The following UNKL variants were observed in gnomAD, a reference collection of about 807,000 sequenced individuals.
UNKL encodes putative E3 ubiquitin-protein ligase UNKL.
A neutral mutation model predicts 78.0 loss-of-function variants in UNKL; 60 were observed. The ratio of observed to expected loss-of-function variants is 0.77; its 90% CI spans 0.63 to 0.95. The LOEUF is 0.95. UNKL is among the 40% of genes least tolerant of loss of function. The pLI is 0.00. For synonymous variants in UNKL, 608 were observed against 474.8 expected (o/e 1.28, Z -3.65); for missense variants, 1,159 against 1,045.7 (o/e 1.11, Z -1.49).
Position 1,367,288 on chromosome 16 carries a change from C to G in UNKL, c.1850G>C (p.Ser617Thr). 3 of 1,563,692 alleles carry G rather than the reference C, an allele frequency of 1.9e-6. No individual in the cohort carries two copies. Among genetic ancestry groups the G allele is most frequent in the Non-Finnish European group, 2.6e-6 (3 of 1,159,076 alleles). ...CTTCTGCAGCGCCAGCTGCCGGTCG[C>G]TATCGGCCACACGGGCACGCTCCTT... is the stretch of plus-strand genomic sequence containing the variant. ...EAKERARVADSDRQLALQKKE... is the reference protein window; with the variant it reads ...EAKERARVADTDRQLALQKKE... The change falls in exon 14 of 15, where the codon AGC becomes ACC. Residue 617 changes from serine (S) to threonine (T), a missense_variant. Transcript: ENST00000389221.
chr16:1,397,017 A>G, intron 6 of UNKL, 161 bp downstream of exon 6: 1 of 676,274 alleles, frequency 1.5e-6, no homozygotes, highest in African/African-American at 1.8e-5. Flanking sequence ...ACAAGCAAGC[A>G]GGTACAGCCC....
Position 1,399,150 on chromosome 16 carries a change from G to A in UNKL, c.734+224C>T. 9.0e-7 allele frequency: 1 copy of A among 1,109,284 alleles called. No homozygotes were observed. Among genetic ancestry groups the A allele is most frequent in the Non-Finnish European group, 1.2e-6 (1 of 805,502 alleles). The allele number at this position is 1,109,284 out of a possible 1,614,324, so 68.7% of individuals were successfully genotyped here. A position where few individuals can be genotyped will look rare whatever the true frequency, so the allele number is the denominator to read the frequency against. ...GAGGGGCCCCGGTAGGGGACTGCAT[G>A]GGAGACACTGAGCGTAGGTGGGGAG... On this transcript the variant is annotated intron_variant, in intron 5 of 14. Transcript: ENST00000389221. The surrounding 1 kb of genome is among the most constrained non-coding windows in gnomAD (Gnocchi z 5.8).
chr16:1,371,983 G>A (rs972055693), intron 10 of UNKL, among the ~76,000 whole-genome samples: 1 of 152,182 alleles, frequency 6.6e-6, no homozygotes, highest in East Asian at 1.9e-4. Flanking sequence ...AGGGCCGGGT[G>A]CGGTGGCTCA....
At chr16:1,396,999 C>T in intron 6 of UNKL, 179 bp downstream of exon 6, 1 of 627,448 alleles carries the variant, frequency 1.6e-6, no homozygotes, top group Non-Finnish European at 2.7e-6. Context: ...CGAAGGCCAG[C>T]AAGCAAGACA....
chr16:1,384,507 G>A (rs1032013679), intron 10 of UNKL, among the ~76,000 whole-genome samples: 10 of 152,034 alleles, frequency 6.6e-5, no homozygotes, highest in Non-Finnish European at 1.2e-4. Flanking sequence ...CAGCCCAGGT[G>A]CTCACAGCTG....
rs898403328 is a variant in UNKL, at chr16:1,399,931, C to T, written c.599-422G>A. Among the ~76,000 whole-genome samples, 3 of 127,142 alleles carry T rather than the reference C, an allele frequency of 2.4e-5. No homozygotes were observed. The Admixed American group carries it at 2.7e-4, about 11-fold the overall frequency. The allele number at this position is 127,142 out of a possible 152,430, so 83.4% of individuals were successfully genotyped here. On this transcript the variant is annotated intron_variant, in intron 4 of 14. Transcript: ENST00000389221. This position sits in a 1 kb window ranked among gnomAD's most constrained non-coding sequence, Gnocchi z 5.8. Reference sequence around the variant, plus strand: ...ACACCCCGAAATGCCGCATGGTGAGCCTCATGCGCACCACAGCCTCTGGGT... The same window carrying T: ...ACACCCCGAAATGCCGCATGGTGAGTCTCATGCGCACCACAGCCTCTGGGT...
At position 1,364,496 on chromosome 16, in the gene UNKL, C is replaced by A. The variant is rs1184142162; in HGVS notation, c.*1744G>T. ...ACGTGGCCCGCGGAGAGCCAGGTCG[C>A]CGTAAACCACAGATGCCTGTTCCTG... On this transcript the variant is annotated 3_prime_UTR_variant, in exon 15 of 15. Coordinates refer to ENST00000389221, the MANE Select transcript of UNKL (RefSeq NM_001372107.1). 1 of 152,260 alleles carries A rather than the reference C, an allele frequency of 6.6e-6. No homozygotes were observed. The highest frequency in any genetic ancestry group is 1.5e-5 in the Non-Finnish European group (1 of 68,054). The allele number at this position is 152,260 out of a possible 1,614,324, so 9.4% of individuals were successfully genotyped here. A position where few individuals can be genotyped will look rare whatever the true frequency, so the allele number is the denominator to read the frequency against.
intron 12 of UNKL, among the ~76,000 whole-genome samples, chr16:1,369,496 A>G (rs1164910715): frequency 1.3e-5 from 2 of 151,392 alleles, no homozygotes; most frequent in Admixed American, 1.3e-4. Flanking sequence ...CAGCCTCCCC[A>G]GTAGCTGGGG....
chr16:1,401,238 T>A (rs1034111441), intron 4 of UNKL: 18 of 227,792 alleles, frequency 7.9e-5, no homozygotes, highest in African/African-American at 4.1e-4. Context: ...GGGTGCCTGG[T>A]GGGCGCCCCG....
intron 10 of UNKL, among the ~76,000 whole-genome samples, chr16:1,372,802 G>A (rs1035281356): frequency 1.3e-5 from 2 of 151,990 alleles, no homozygotes; most frequent in African/African-American, 4.8e-5. Context: ...GGCCAACACC[G>A]CACAGAGACC....
rs2141958315 is a variant in UNKL, at chr16:1,370,156, G to A, written c.1559C>T (p.Ser520Phe). ...PLRSEPGTLGSAASSYSPLGL... is the reference protein window; with the variant it reads ...PLRSEPGTLGFAASSYSPLGL... Reference sequence around the variant, plus strand: ...TAGGGGGCTGTAGGATGAGGCTGCAGAGCCCAGTGTGCCCGGCTCTGAACG... The same window carrying A: ...TAGGGGGCTGTAGGATGAGGCTGCAAAGCCCAGTGTGCCCGGCTCTGAACG... Residue 520 changes from serine to phenylalanine, a missense_variant, in exon 12 of 15, where the codon TCT (serine) becomes TTT (phenylalanine). Transcript: ENST00000389221. 3 of 1,517,900 alleles carry A rather than the reference G, an allele frequency of 2.0e-6. No homozygotes were observed. The South Asian group carries it at 3.7e-5, about 19-fold the overall frequency. The allele number at this position is 1,517,900 out of a possible 1,614,324, so 94.0% of individuals were successfully genotyped here.
In UNKL at chr16:1,403,237, A is replaced by G. The variant is rs748913108; in HGVS notation, c.395T>C (p.Val132Ala). The change falls in exon 3 of 15, where the codon GTG becomes GCG. Residue 132 changes from valine (V) to alanine (A), a missense_variant. Val to Ala is a moderately conservative substitution (Grantham distance 64). Transcript: ENST00000389221. The surrounding 1 kb of genome is among the most constrained non-coding windows in gnomAD (Gnocchi z 4.8). ...GAAGGCACAGTGCAGCCCATTCTTC[A>G]CGCAGTGGCCACGTGCGTCTGTCTC... ...IHETDARGHC[V>A]KNGLHCAFAH... is the part of the protein sequence containing the mutation. The G allele has an allele frequency of 2.8e-5, 45 of 1,614,004 alleles. No individual in the cohort carries two copies. Among genetic ancestry groups the G allele is most frequent in the South Asian group, 5.5e-5 (5 of 91,090 alleles).
rs2036869859 is a variant in UNKL, at chr16:1,387,710, TG to T, written c.1087-2326del. On this transcript the variant is annotated intron_variant, in intron 9 of 14. Coordinates refer to ENST00000389221, the MANE Select transcript of UNKL (RefSeq NM_001372107.1). This position sits in a 1 kb window ranked among gnomAD's most constrained non-coding sequence, Gnocchi z 4.1. ...GGCAACGCACGGCCCTCCGGGGACG[TG>T]GACACTGCACAGCCGCACGGCTGCC... Among the ~76,000 whole-genome samples, 1 of 151,996 alleles carries T rather than the reference TG, an allele frequency of 6.6e-6. No homozygotes were observed. Among genetic ancestry groups the T allele is most frequent in the Non-Finnish European group, 1.5e-5 (1 of 67,978 alleles).
chr16:1,365,314 C>T lies in UNKL; in HGVS notation c.*926G>A, dbSNP rs2035154406. The T allele has an allele frequency of 6.6e-6, 1 of 152,202 alleles. No individual in the cohort carries two copies. Among genetic ancestry groups the T allele is most frequent in the Non-Finnish European group, 1.5e-5 (1 of 68,038 alleles). 9.4% of individuals were successfully genotyped at this position (152,202 alleles called of 1,614,324 possible). A position where few individuals can be genotyped will look rare whatever the true frequency, so the allele number is the denominator to read the frequency against. ...AAGACAGCTGCTTAAAAAAGTAATT[C>T]TAAAAGCTCTGACGTCGGATCCCCT... On this transcript the variant is annotated 3_prime_UTR_variant, in exon 15 of 15. Coordinates refer to ENST00000389221, the MANE Select transcript of UNKL (RefSeq NM_001372107.1).
At position 1,407,670 on chromosome 16, in the gene UNKL, T is replaced by C. The variant is rs145746690; in HGVS notation, c.288-4326A>G. Among the ~76,000 whole-genome samples, 90 of 144,020 alleles carry C rather than the reference T, an allele frequency of 6.2e-4. 1 individual carries two copies. In the East Asian group the frequency reaches 0.017, roughly 27 times the overall value. The allele number at this position is 144,020 out of a possible 152,430, so 94.5% of individuals were successfully genotyped here. The stretch of plus-strand genomic sequence containing the variant: ...AAGATCACACCACTGCACTCCAGCC[T>C]GGGCGACAGAGTGAGGCCCTGTCAA... On this transcript the variant is annotated intron_variant, in intron 2 of 14. Transcript: ENST00000389221.
In UNKL at chr16:1,394,156, G is replaced by T. The variant is rs1381870613; in HGVS notation, c.912C>A (p.Pro304=). The T allele has an allele frequency of 6.4e-7, 1 of 1,550,738 alleles. No homozygotes were observed. The highest frequency in any genetic ancestry group is 1.2e-5 in the South Asian group (1 of 84,062). The part of the protein sequence containing the change: ...MRQTGYCPRG[P]FCAFAHVEKS... ...TCTCAACGTGTGCAAAGGCACAGAA[G>T]GGGCCGCGCGGGCAGTACCCGGTTT... is the stretch of plus-strand genomic sequence containing the variant. Residue 304 remains proline (P), a synonymous_variant, in exon 7 of 15, where the codon CCC becomes CCA. Coordinates refer to ENST00000389221, the MANE Select transcript of UNKL (RefSeq NM_001372107.1).
intron 2 of UNKL, chr16:1,405,835 C>T (rs373914118): frequency 1.2e-5 from 5 of 420,974 alleles, no homozygotes; most frequent in Middle Eastern, 3.5e-4. Context: ...CTGGACCCAC[C>T]GAGACCAGAG....
In UNKL at chr16:1,366,104, T is replaced by A; in HGVS notation, c.*136A>T. 2.7e-6 allele frequency: 3 copies of A among 1,104,512 alleles called. No homozygotes were observed. The highest frequency in any genetic ancestry group is 3.6e-6 in the Non-Finnish European group (3 of 828,422). 68.4% of individuals were successfully genotyped at this position (1,104,512 alleles called of 1,614,324 possible). A position where few individuals can be genotyped will look rare whatever the true frequency, so the allele number is the denominator to read the frequency against. On this transcript the variant is annotated 3_prime_UTR_variant, in exon 15 of 15. Coordinates refer to ENST00000389221, the MANE Select transcript of UNKL (RefSeq NM_001372107.1). ...AGCGCAGGCGGGGCTCCCAGCCTCA[T>A]GATAACGTGTAACAGGAAGGGCTCC...
In UNKL at chr16:1,387,729, C is replaced by T. The variant is rs964960093; in HGVS notation, c.1087-2344G>A. Among the ~76,000 whole-genome samples the T allele has an allele frequency of 9.9e-5, 15 of 152,024 alleles. No individual in the cohort carries two copies. Among genetic ancestry groups the T allele is most frequent in the Admixed American group, 5.9e-4 (9 of 15,270 alleles). On this transcript the variant is annotated intron_variant, in intron 9 of 14. Transcript: ENST00000389221. This position sits in a 1 kb window ranked among gnomAD's most constrained non-coding sequence, Gnocchi z 4.1. ...GGGACGTGGACACTGCACAGCCGCA[C>T]GGCTGCCCGGCCCTCCGGGGACGTG... is the stretch of plus-strand genomic sequence containing the variant.
Sources: allele counts gnomAD v4.1 joint callset (sites outside exome capture counted in the v4.1 genomes callset), GRCh38; gene constraint gnomAD v4.1.1; non-coding constraint Gnocchi (gnomAD v3.1); transcripts MANE v1.5; gene names NCBI Gene and HGNC (gene_info 2026-07-23, HGNC 2026-07-21).